IQANK1: variants seen among roughly 807,000 people sequenced by gnomAD.
IQANK1 encodes the protein IQ motif and ankyrin repeat containing 1, also known as IQ motif and ankyrin repeat domain-containing protein 1.
IQANK1 carries 30 observed loss-of-function variants against 22.6 expected under a neutral mutation model. That is an observed-to-expected ratio of 1.33 (90% CI 0.99 to 1.80). IQANK1 has a LOEUF of 1.80. IQANK1 is among the 40% of genes most tolerant of loss of function. IQANK1 has a pLI of 0.00. For missense variants in IQANK1, 275 were observed against 235.2 expected, an observed-to-expected ratio of 1.17 and a Z score of -1.11; for synonymous variants, 122 against 99.6, an observed-to-expected ratio of 1.23 and a Z score of -1.34.
intron 7 of IQANK1, among the ~76,000 whole-genome samples, chr8:143,788,207 T>C (rs1819930466): frequency 6.6e-6 from 1 of 152,222 alleles, no homozygotes; most frequent in African/African-American, 2.4e-5. Flanking sequence ...CACGAACAGC[T>C]TCCTGGTCAA....
intron 3 of IQANK1, among the ~76,000 whole-genome samples, chr8:143,755,347 G>A (rs1211783257): frequency 2.0e-5 from 3 of 152,172 alleles, no homozygotes; most frequent in Non-Finnish European, 4.4e-5. Context: ...TTACCATGAT[G>A]TGGAATAAAT....
Position 143,771,532 on chromosome 8 carries a change from C to T in IQANK1, c.220C>T (p.Arg74Trp). 5.0e-6 allele frequency: 2 copies of T among 398,138 alleles called. No homozygotes were observed. The highest frequency in any genetic ancestry group is 4.4e-6 in the Non-Finnish European group (1 of 225,750). The allele number at this position is 398,138 out of a possible 1,614,324, so 24.7% of individuals were successfully genotyped here. Reference protein sequence around the residue: ...RAARAIQGAFRQLRARRELAR... With the variant: ...RAARAIQGAFWQLRARRELAR... ...GGCCAGAGCGATCCAGGGCGCCTTC[C>T]GGCAGCTCCGGGCCAGGAGGGAGCT... The change falls in exon 4 of 14, where the codon CGG (arginine) becomes TGG (tryptophan). Residue 74 changes from arginine to tryptophan, a missense_variant. By Grantham distance (101) the Arg-to-Trp change is moderately radical (BLOSUM62 -3). Transcript: ENST00000527139. The surrounding 1 kb of genome is among the most constrained non-coding windows in gnomAD (Gnocchi z 6.0).
At chr8:143,785,377 C>T (rs1819867308) in intron 7 of IQANK1, among the ~76,000 whole-genome samples, 1 of 150,288 alleles carries the variant, frequency 6.7e-6, no homozygotes, top group Non-Finnish European at 1.5e-5. Context: ...ATGCCTCAGC[C>T]TCCCGAGTAG....
At chr8:143,776,409 A>G (rs1554630437) in intron 7 of IQANK1, among the ~76,000 whole-genome samples, 1 of 152,222 alleles carries the variant, frequency 6.6e-6, no homozygotes, top group African/African-American at 2.4e-5. Flanking sequence ...TCAAACAAGA[A>G]CAAATCCAAG....
chr8:143,778,827 C>T (rs117873441), intron 7 of IQANK1, among the ~76,000 whole-genome samples: 7,984 of 152,258 alleles, frequency 0.052, 393 homozygotes, highest in African/African-American at 0.13. Flanking sequence ...AGGGCAGTGG[C>T]GCAATCTCAC....
chr8:143,781,718 C>T (rs1362431791), intron 7 of IQANK1, among the ~76,000 whole-genome samples: 1 of 152,140 alleles, frequency 6.6e-6, no homozygotes, highest in East Asian at 1.9e-4. Context: ...GTTACTGTAA[C>T]CCTGTAGTAT....
intron 3 of IQANK1, among the ~76,000 whole-genome samples, chr8:143,741,271 G>T (rs1242490885): frequency 2.0e-5 from 3 of 152,218 alleles, no homozygotes; most frequent in Non-Finnish European, 1.5e-5. Flanking sequence ...CGCTCTGCGG[G>T]GTGTGGGGCA....
chr8:143,780,689 G>T (rs1004778990), intron 7 of IQANK1, among the ~76,000 whole-genome samples: 3 of 152,182 alleles, frequency 2.0e-5, no homozygotes, highest in Non-Finnish European at 2.9e-5. Flanking sequence ...GTATTCCACG[G>T]TGTGCATGTA....
At chr8:143,784,774 C>T (rs978790064) in intron 7 of IQANK1, among the ~76,000 whole-genome samples, 7 of 152,148 alleles carry the variant, frequency 4.6e-5, no homozygotes, top group Admixed American at 2.0e-4. Flanking sequence ...GCTCATTGGT[C>T]AGATCTAGTC....
intron 3 of IQANK1, chr8:143,742,353 C>T (rs1554626651): frequency 2.2e-6 from 1 of 455,426 alleles, no homozygotes; most frequent in African/African-American, 2.0e-5. Flanking sequence ...CTTGGGACTA[C>T]AGCATGCGGG....
rs782204670 is a variant in IQANK1 at position 143,789,862 on chromosome 8, G to A, written c.1188G>A (p.Thr396=). ...CCAGGCTGGAGCTTCGGGAGCAGAC[G>A]CAGGAGGGTGGGCCTGGCATGGGGC... ...AMARLELREQ[T]QEGEEEAPGL... The change falls in exon 11 of 14, where the codon ACG becomes ACA. Residue 396 remains threonine (T), a synonymous_variant. Coordinates refer to ENST00000527139, the MANE Select transcript of IQANK1 (RefSeq NM_001381874.1). 50 of 1,231,952 alleles carry A rather than the reference G, an allele frequency of 4.1e-5. No homozygotes were observed. The highest frequency in any genetic ancestry group is 3.1e-4 in the Middle Eastern group (1 of 3,230). The allele number at this position is 1,231,952 out of a possible 1,614,324, so 76.3% of individuals were successfully genotyped here.
intron 3 of IQANK1, among the ~76,000 whole-genome samples, chr8:143,750,125 A>C (rs1243701001): frequency 2.6e-5 from 4 of 151,710 alleles, no homozygotes; most frequent in Non-Finnish European, 1.5e-5. Context: ...CTGCCTCTCA[A>C]GTAGCTGGGA....
At chr8:143,747,044 T>TA (rs1307551232) in intron 3 of IQANK1, among the ~76,000 whole-genome samples, 7 of 151,950 alleles carry the variant, frequency 4.6e-5, no homozygotes, top group African/African-American at 1.7e-4. Flanking sequence ...CACGCCCGGC[T>TA]AATTTTTTGT....
Position 143,790,243 on chromosome 8 carries a change from A to G in IQANK1, c.1396A>G (p.Met466Val), listed in dbSNP as rs1186411103. Reference sequence around the variant, plus strand: ...CCCGGAGCCCCTGAGGCCGGAGACGATGTGGCTGGCTCTGCTGGGGGCTCT... The same window carrying G: ...CCCGGAGCCCCTGAGGCCGGAGACGGTGTGGCTGGCTCTGCTGGGGGCTCT... ...VNPEPLRPET[M>V]WLALLGALRY... Residue 466 changes from methionine (M) to valine (V), a missense_variant, in exon 13 of 14, where the codon ATG becomes GTG. By Grantham distance (21) the Met-to-Val change is conservative (BLOSUM62 1). Transcript: ENST00000527139. 3.2e-6 allele frequency: 4 copies of G among 1,231,948 alleles called. No individual in the cohort carries two copies. The highest frequency in any genetic ancestry group is 4.0e-6 in the Non-Finnish European group (4 of 988,046). 76.3% of individuals were successfully genotyped at this position (1,231,948 alleles called of 1,614,324 possible).
Position 143,735,566 on chromosome 8 carries a change from G to A in IQANK1, c.-4-284G>A, listed in dbSNP as rs573285286. Among the ~76,000 whole-genome samples the A allele has an allele frequency of 4.6e-5, 7 of 152,264 alleles. No homozygotes were observed. The South Asian group carries it at 1.0e-3, about 23-fold the overall frequency. ...AAGAGTGCTAGACTCCAGATCCTGC[G>A]CCCGGCAGGATGGGCTGAGCCTGGG... On this transcript the variant is annotated intron_variant, in intron 1 of 13. Coordinates refer to ENST00000527139, the MANE Select transcript of IQANK1 (RefSeq NM_001381874.1). This position sits in a 1 kb window ranked among gnomAD's most constrained non-coding sequence, Gnocchi z 5.2.
chr8:143,763,563 G>A (rs533149141), intron 3 of IQANK1, among the ~76,000 whole-genome samples: 6 of 152,170 alleles, frequency 3.9e-5, no homozygotes, highest in Admixed American at 2.0e-4. Flanking sequence ...GTTCCACTCC[G>A]TGAGCTCACA....
chr8:143,742,055 C>T (rs1340015661), intron 3 of IQANK1: 7 of 297,050 alleles, frequency 2.4e-5, no homozygotes, highest in Admixed American at 1.7e-4. Context: ...CTGTCTGTGC[C>T]CTCGCTGCGG....
chr8:143,764,907 T>C (rs371101336), intron 3 of IQANK1, among the ~76,000 whole-genome samples: 4 of 152,266 alleles, frequency 2.6e-5, no homozygotes, highest in African/African-American at 7.2e-5. Context: ...CTTAGGACAA[T>C]AGAATGTAAG....
intron 3 of IQANK1, among the ~76,000 whole-genome samples, chr8:143,750,068 G>A (rs1326407227): frequency 3.3e-5 from 5 of 151,584 alleles, no homozygotes; most frequent in South Asian, 2.1e-4. Context: ...GCAATGGCAC[G>A]TTCTCGGCTC....
Sources: gnomAD v4.1 joint callset for allele counts (sites outside exome capture counted in the v4.1 genomes callset) on GRCh38, gnomAD v4.1.1 for gene constraint, Gnocchi (gnomAD v3.1) non-coding constraint, MANE v1.5 for transcripts, NCBI Gene and HGNC (gene_info 2026-07-23, HGNC 2026-07-21) for gene names.